The following DLGAP1 variants were observed in gnomAD, a reference collection of about 807,000 sequenced individuals.
The protein encoded by DLGAP1 is disks large-associated protein 1.
A neutral mutation model predicts 90.8 loss-of-function variants in DLGAP1; 11 were observed. The ratio of observed to expected loss-of-function variants is 0.12; its 90% confidence interval spans 0.08 to 0.20. The LOEUF (loss-of-function observed/expected upper bound fraction) is 0.20, where lower values mean the gene tolerates loss of function less well. Among genes scored for constraint, DLGAP1 ranks in the 10% least tolerant of loss-of-function variants. The probability of loss-of-function intolerance (pLI) is 1.00; values close to 1 mark genes in which losing one functional copy is unlikely to be tolerated. For missense variants in DLGAP1, 1,050 were observed against 1,333.8 expected (o/e 0.79, Z 3.31); for synonymous variants, 558 against 540.7 (o/e 1.03, Z -0.44).
At chr18:3,949,934 T>C (rs1406587480) in intron 3 of DLGAP1, among the ~76,000 whole-genome samples, 1 of 152,228 alleles carries the variant, frequency 6.6e-6, no homozygotes, top group Non-Finnish European at 1.5e-5. Context: ...AATTCATTTA[T>C]ATAAATCCCA....
intron 10 of DLGAP1, among the ~76,000 whole-genome samples, chr18:3,529,118 T>C (rs1325466247): frequency 6.6e-6 from 1 of 152,196 alleles, no homozygotes; most frequent in East Asian, 1.9e-4. Flanking sequence ...ATGTCTGTGC[T>C]CCTCTAAAAC....
chr18:3,616,405 G>A (rs2057868500), intron 7 of DLGAP1, among the ~76,000 whole-genome samples: 1 of 152,118 alleles, frequency 6.6e-6, no homozygotes, highest in South Asian at 2.1e-4. Flanking sequence ...GGTGGTCTGA[G>A]GGCGATAGTT....
At chr18:4,423,414 C>G (rs1168299917) in intron 1 of DLGAP1, among the ~76,000 whole-genome samples, 1 of 152,178 alleles carries the variant, frequency 6.6e-6, no homozygotes, top group Admixed American at 6.5e-5. Context: ...CACTGTATGA[C>G]TCTCTCTTTG....
intron 3 of DLGAP1, among the ~76,000 whole-genome samples, chr18:3,993,571 G>C (rs1291301644): frequency 6.6e-6 from 1 of 152,096 alleles, no homozygotes; most frequent in African/African-American, 2.4e-5. Flanking sequence ...GTGACAACGC[G>C]TTTTGCATTT....
At chr18:3,635,184 G>T (rs1182834664) in intron 7 of DLGAP1, among the ~76,000 whole-genome samples, 4 of 149,986 alleles carry the variant, frequency 2.7e-5, no homozygotes, top group African/African-American at 4.9e-5. Flanking sequence ...AGGCTGGAGT[G>T]CAGTGGCGGG....
chr18:3,579,354 G>T (rs2055353348), intron 8 of DLGAP1, among the ~76,000 whole-genome samples: 3 of 152,218 alleles, frequency 2.0e-5, no homozygotes, highest in Admixed American at 2.0e-4. Context: ...GGGATCACAG[G>T]CATGCGCCAC....
chr18:3,848,563 A>G (rs2069153637), intron 4 of DLGAP1, among the ~76,000 whole-genome samples: 1 of 150,938 alleles, frequency 6.6e-6, no homozygotes, highest in African/African-American at 2.4e-5. Context: ...TCAAAACCAA[A>G]CTCTCCCGCC....
intron 2 of DLGAP1, among the ~76,000 whole-genome samples, chr18:4,054,490 A>G (rs887037970): frequency 1.3e-5 from 2 of 152,242 alleles, no homozygotes; most frequent in African/African-American, 4.8e-5. Context: ...ACAAGTATAA[A>G]TCATAACTAC....
At chr18:3,986,863 T>C (rs550938675) in intron 3 of DLGAP1, among the ~76,000 whole-genome samples, 147 of 152,268 alleles carry the variant, frequency 9.7e-4, no homozygotes, top group Non-Finnish European at 1.3e-3. Flanking sequence ...TAATTACCTA[T>C]TGTCCTGAGC....
At chr18:4,089,570 A>G (rs771596479) in intron 2 of DLGAP1, among the ~76,000 whole-genome samples, 6 of 152,232 alleles carry the variant, frequency 3.9e-5, no homozygotes, top group Non-Finnish European at 5.9e-5. Context: ...GGCTACAGTA[A>G]CCAAACAGCA....
chr18:3,523,947 A>C (rs1490490980), intron 10 of DLGAP1, among the ~76,000 whole-genome samples: 1 of 152,138 alleles, frequency 6.6e-6, no homozygotes, highest in African/African-American at 2.4e-5. Context: ...AATGGGCAAA[A>C]GATCTGAACA....
intron 5 of DLGAP1, among the ~76,000 whole-genome samples, chr18:3,797,161 G>T (rs764773396): frequency 2.6e-5 from 4 of 152,080 alleles, no homozygotes; most frequent in Non-Finnish European, 4.4e-5. Context: ...GTGAAACCTT[G>T]ACTCTACTAA....
chr18:3,705,340 G>C (rs1436962437), intron 7 of DLGAP1, among the ~76,000 whole-genome samples: 4 of 150,372 alleles, frequency 2.7e-5, no homozygotes, highest in Non-Finnish European at 4.4e-5. Context: ...CAGGGGGTTA[G>C]AATGCAGTTT....
chr18:3,886,853 T>C (rs897509623), intron 3 of DLGAP1, among the ~76,000 whole-genome samples: 14 of 152,182 alleles, frequency 9.2e-5, no homozygotes, highest in African/African-American at 3.4e-4. Flanking sequence ...CTGGAAAACA[T>C]CTCTAAAGTG....
chr18:4,324,123 C>G (rs1233299745), intron 1 of DLGAP1, among the ~76,000 whole-genome samples: 1 of 151,458 alleles, frequency 6.6e-6, no homozygotes, highest in African/African-American at 2.4e-5. Context: ...CCACTAACTA[C>G]ACATATAAAG....
At chr18:4,058,183 T>C (rs1316140805) in intron 2 of DLGAP1, among the ~76,000 whole-genome samples, 1 of 152,214 alleles carries the variant, frequency 6.6e-6, no homozygotes, top group Non-Finnish European at 1.5e-5. Context: ...TCTCTGTGTA[T>C]ATTTGAAATG....
intron 2 of DLGAP1, among the ~76,000 whole-genome samples, chr18:4,053,807 C>G (rs1015800740): frequency 6.6e-6 from 1 of 152,172 alleles, no homozygotes; most frequent in Non-Finnish European, 1.5e-5. Flanking sequence ...TGGACTAATA[C>G]ACCTTGTTTC....
rs994138264 is a variant in DLGAP1, at chr18:4,342,603, C to T, written c.-267+112403G>A. Reference sequence around the variant, plus strand: ...ATTCTTTCCAAGAATCTGGCTTAGGCTGAGATTACACAAAGAGGGAAATTA... The same window carrying T: ...ATTCTTTCCAAGAATCTGGCTTAGGTTGAGATTACACAAAGAGGGAAATTA... On this transcript the variant is annotated intron_variant, in intron 1 of 12. Coordinates refer to ENST00000315677, the MANE Select transcript of DLGAP1 (RefSeq NM_004746.4). This position sits in a 1 kb window ranked among gnomAD's most constrained non-coding sequence, Gnocchi z 5.8. Among the ~76,000 whole-genome samples the T allele has an allele frequency of 2.0e-5, 3 of 152,028 alleles. No individual in the cohort carries two copies. Among genetic ancestry groups the T allele is most frequent in the African/African-American group, 7.3e-5 (3 of 41,372 alleles).
intron 4 of DLGAP1, among the ~76,000 whole-genome samples, chr18:3,849,189 C>T (rs1331976198): frequency 6.6e-6 from 1 of 152,170 alleles, no homozygotes; most frequent in African/African-American, 2.4e-5. Context: ...CTGAACATCT[C>T]AAGTCAATAT....
Sources: allele counts gnomAD v4.1 joint callset (sites outside exome capture counted in the v4.1 genomes callset), GRCh38; gene constraint gnomAD v4.1.1; non-coding constraint Gnocchi (gnomAD v3.1); transcripts MANE v1.5; gene names NCBI Gene and HGNC (gene_info 2026-07-23, HGNC 2026-07-21).